The following SLC7A5 variants were observed in gnomAD, a reference collection of about 807,000 sequenced individuals.
The protein encoded by SLC7A5 is large neutral amino acids transporter small subunit 1.
In SLC7A5, 23 loss-of-function variants were observed where a neutral mutation model predicts 50.2. The observed-to-expected ratio is 0.46, with a 90% CI of 0.33 to 0.65. SLC7A5 has a LOEUF of 0.65. Ranked by LOEUF, SLC7A5 falls within the 30% of genes least tolerant of loss-of-function variation. SLC7A5 has a pLI of 0.02. For synonymous variants in SLC7A5, 393 were observed against 330.6 expected, an observed-to-expected ratio of 1.19 and a Z score of -2.05; for missense variants, 578 against 684.4, an observed-to-expected ratio of 0.84 and a Z score of 1.73.
rs1322086698 is a variant in SLC7A5, at chr16:87,841,190, G to A, written c.665-35C>T. The A allele has an allele frequency of 2.1e-6, 3 of 1,405,030 alleles. No homozygotes were observed. The highest frequency in any genetic ancestry group is 1.2e-5 in the South Asian group (1 of 86,850). The allele number at this position is 1,405,030 out of a possible 1,614,324, so 87.0% of individuals were successfully genotyped here. On this transcript the variant is annotated intron_variant, in intron 2 of 9. Transcript: ENST00000261622. The surrounding 1 kb of genome is among the most constrained non-coding windows in gnomAD (Gnocchi z 4.8). ...CCAAAGAAAGGAATGCTGGGTTAGA[G>A]AGCGCTGAACAGAGGTCATGCTACC...
At position 87,853,284 on chromosome 16, in the gene SLC7A5, G is replaced by A. The variant is rs570860809; in HGVS notation, c.539-1435C>T. On this transcript the variant is annotated intron_variant, in intron 1 of 9. Coordinates refer to ENST00000261622, the MANE Select transcript of SLC7A5 (RefSeq NM_003486.7). This position sits in a 1 kb window ranked among gnomAD's most constrained non-coding sequence, Gnocchi z 4.4. ...TGACACCGGAAACGTCCTGAGGTGCGGGACGGGCTGCCGCCTGCCTATCTC... is the reference window on the plus strand; with the variant it reads ...TGACACCGGAAACGTCCTGAGGTGCAGGACGGGCTGCCGCCTGCCTATCTC... 2.0e-5 allele frequency among the ~76,000 whole-genome samples: 3 copies of A among 152,336 alleles called. No homozygotes were observed. Among genetic ancestry groups the A allele is most frequent in the Non-Finnish European group, 2.9e-5 (2 of 68,020 alleles).
chr16:87,835,324 GC>G (rs1415385205), intron 8 of SLC7A5, among the ~76,000 whole-genome samples: 1 of 152,230 alleles, frequency 6.6e-6, no homozygotes, highest in Non-Finnish European at 1.5e-5. Flanking sequence ...CCCCATGGGG[GC>G]TGAGCCCCCG....
chr16:87,868,986 T>C lies in SLC7A5; in HGVS notation c.437A>G (p.Tyr146Cys). The C allele has an allele frequency of 6.2e-7, 1 of 1,611,456 alleles. No individual in the cohort carries two copies. The highest frequency in any genetic ancestry group is 8.5e-7 in the Non-Finnish European group (1 of 1,179,698). ...GGTGGCGAAGACCAGGGCCACGATG[T>C]ACTGCGATGAAGGCCGGATGATGAG... is the stretch of plus-strand genomic sequence containing the variant. The part of the protein sequence containing the change: ...ELLIIRPSSQ[Y>C]IVALVFATYL... The change falls in exon 1 of 10, where the codon TAC (tyrosine) becomes TGC (cysteine). Residue 146 changes from tyrosine (Y) to cysteine (C), a missense_variant. Coordinates refer to ENST00000261622, the MANE Select transcript of SLC7A5 (RefSeq NM_003486.7).
rs1158573379 is a variant in SLC7A5 at position 87,832,374 on chromosome 16, C to T, written c.*596G>A. On this transcript the variant is annotated 3_prime_UTR_variant, in exon 10 of 10. Coordinates refer to ENST00000261622, the MANE Select transcript of SLC7A5 (RefSeq NM_003486.7). This position sits in a 1 kb window ranked among gnomAD's most constrained non-coding sequence, Gnocchi z 4.6. ...CAAGCACCTCCTGGGAGGAATCACC[C>T]ACCTTGCCCAGATCCCCCACCCCCT... 1 of 152,352 alleles carries T rather than the reference C, an allele frequency of 6.6e-6. No individual in the cohort carries two copies. Among genetic ancestry groups the T allele is most frequent in the Non-Finnish European group, 1.5e-5 (1 of 68,160 alleles). The allele number at this position is 152,352 out of a possible 1,614,324, so 9.4% of individuals were successfully genotyped here. A position where few individuals can be genotyped will look rare whatever the true frequency, so the allele number is the denominator to read the frequency against.
At chr16:87,854,954 G>C (rs557398902) in intron 1 of SLC7A5, among the ~76,000 whole-genome samples, 1 of 152,344 alleles carries the variant, frequency 6.6e-6, no homozygotes, top group South Asian at 2.1e-4. Flanking sequence ...CCTCATCTTC[G>C]GGTGGGCATT....
chr16:87,860,335 A>AT lies in SLC7A5; in HGVS notation c.539-8487_539-8486insA, dbSNP rs1278149952. Among the ~76,000 whole-genome samples, 6 of 103,066 alleles carry AT rather than the reference A, an allele frequency of 5.8e-5. No individual in the cohort carries two copies. The highest frequency in any genetic ancestry group is 2.3e-4 in the African/African-American group (5 of 21,808). The allele number at this position is 103,066 out of a possible 152,430, so 67.6% of individuals were successfully genotyped here. On this transcript the variant is annotated intron_variant, in intron 1 of 9. Transcript: ENST00000261622. This position sits in a 1 kb window ranked among gnomAD's most constrained non-coding sequence, Gnocchi z 4.8. Reference sequence around the variant, plus strand: ...GTAACAAAAGCATCTCAAAAAAAAAAAAAAATACACACACACACACACACA... The same window carrying AT: ...GTAACAAAAGCATCTCAAAAAAAAAATAAAAATACACACACACACACACACA...
chr16:87,833,452 G>A lies in SLC7A5; in HGVS notation c.1469-427C>T, dbSNP rs948929076. ...GGGGCCAATCTGCTAACGGGTCCTC[G>A]GAAGACCTGTCGCGCCTGGGACTGT... On this transcript the variant is annotated intron_variant, in intron 9 of 9. Transcript: ENST00000261622. This position sits in a 1 kb window ranked among gnomAD's most constrained non-coding sequence, Gnocchi z 6.0. Among the ~76,000 whole-genome samples, 4 of 152,086 alleles carry A rather than the reference G, an allele frequency of 2.6e-5. No homozygotes were observed. The highest frequency in any genetic ancestry group is 9.7e-5 in the African/African-American group (4 of 41,422).
chr16:87,839,567 A>AG, intron 5 of SLC7A5, 135 bp downstream of exon 5: 1 of 1,198,450 alleles, frequency 8.3e-7, no homozygotes, highest in African/African-American at 1.5e-5. Context: ...CCCTCCGGGT[A>AG]GGGGAGGCTT....
At chr16:87,846,668 C>G (rs1195411080) in intron 2 of SLC7A5, among the ~76,000 whole-genome samples, 1 of 152,214 alleles carries the variant, frequency 6.6e-6, no homozygotes, top group Non-Finnish European at 1.5e-5. Flanking sequence ...CCCAGGGCAT[C>G]AGGGTCCCTG....
intron 1 of SLC7A5, among the ~76,000 whole-genome samples, chr16:87,858,110 G>T (rs1342892497): frequency 1.3e-5 from 2 of 152,164 alleles, no homozygotes; most frequent in African/African-American, 4.8e-5. Context: ...CTGACAGGAA[G>T]GGCCACCGCT....
At chr16:87,847,890 G>A (rs1306248331) in intron 2 of SLC7A5, among the ~76,000 whole-genome samples, 2 of 152,162 alleles carry the variant, frequency 1.3e-5, no homozygotes, top group African/African-American at 4.8e-5. Flanking sequence ...ACAGCCCAGT[G>A]GCACACACGT....
chr16:87,832,848 C>A lies in SLC7A5; in HGVS notation c.*122G>T. The A allele has an allele frequency of 1.2e-6, 1 of 810,226 alleles. No individual in the cohort carries two copies. Among genetic ancestry groups the A allele is most frequent in the Non-Finnish European group, 2.2e-6 (1 of 460,574 alleles). 50.2% of individuals were successfully genotyped at this position (810,226 alleles called of 1,614,324 possible). ...CCTCCACTGCCCGACCTGGGAGGGA[C>A]GGCGAGGGACTGGGATGGGCAGCTG... is the stretch of plus-strand genomic sequence containing the variant. On this transcript the variant is annotated 3_prime_UTR_variant, in exon 10 of 10. Coordinates refer to ENST00000261622, the MANE Select transcript of SLC7A5 (RefSeq NM_003486.7). This position sits in a 1 kb window ranked among gnomAD's most constrained non-coding sequence, Gnocchi z 4.6.
intron 2 of SLC7A5, among the ~76,000 whole-genome samples, chr16:87,844,470 G>A (rs4843715): frequency 0.36 from 54,898 of 151,962 alleles, 11,581 homozygotes; most frequent in African/African-American, 0.58. Context: ...AGACTCCGCC[G>A]GTGGCTAAAG....
intron 1 of SLC7A5, among the ~76,000 whole-genome samples, chr16:87,868,130 A>AG (rs1347195826): frequency 5.6e-4 from 83 of 149,090 alleles, no homozygotes; most frequent in African/African-American, 1.4e-3. Flanking sequence ...AAAAAAAAAA[A>AG]AAAGAAAGAA....
chr16:87,849,614 A>C (rs1251399101), intron 2 of SLC7A5, among the ~76,000 whole-genome samples: 1 of 152,218 alleles, frequency 6.6e-6, no homozygotes, highest in Non-Finnish European at 1.5e-5. Flanking sequence ...TGGGAGGCAC[A>C]GGATGGATTT....
At chr16:87,846,984 G>A (rs2055162313) in intron 2 of SLC7A5, among the ~76,000 whole-genome samples, 1 of 152,158 alleles carries the variant, frequency 6.6e-6, no homozygotes, top group Admixed American at 6.5e-5. Context: ...AGAATCCCAA[G>A]GCAGCTGCAC....
chr16:87,847,076 G>A (rs1279211040), intron 2 of SLC7A5, among the ~76,000 whole-genome samples: 1 of 152,208 alleles, frequency 6.6e-6, no homozygotes, highest in Non-Finnish European at 1.5e-5. Context: ...AGAGCAGGCT[G>A]GGCTGAGCTC....
rs903069282 is a variant in SLC7A5 at position 87,840,787 on chromosome 16, G to A, written c.770+263C>T. On this transcript the variant is annotated intron_variant, in intron 3 of 9. Transcript: ENST00000261622. ...AGGAAAGGGGCCGCAGGGCTCAGCCGCCTCCACCTGCCACCTTCGCCAAGA... is the reference window on the plus strand; with the variant it reads ...AGGAAAGGGGCCGCAGGGCTCAGCCACCTCCACCTGCCACCTTCGCCAAGA... Among the ~76,000 whole-genome samples the A allele has an allele frequency of 1.4e-4, 21 of 152,322 alleles. No individual in the cohort carries two copies. The East Asian group carries it at 2.5e-3, about 18-fold the overall frequency.
chr16:87,862,220 TG>T lies in SLC7A5; in HGVS notation c.538+6664del, dbSNP rs953923423. Among the ~76,000 whole-genome samples, 1 of 151,706 alleles carries T rather than the reference TG, an allele frequency of 6.6e-6. No homozygotes were observed. Among genetic ancestry groups the T allele is most frequent in the Non-Finnish European group, 1.5e-5 (1 of 67,940 alleles). On this transcript the variant is annotated intron_variant, in intron 1 of 9. Coordinates refer to ENST00000261622, the MANE Select transcript of SLC7A5 (RefSeq NM_003486.7). This position sits in a 1 kb window ranked among gnomAD's most constrained non-coding sequence, Gnocchi z 5.3. ...TACAGGTGCTGGATACCCCAGCGGTTGGGGGGGTGGTGCTGGACACCCAGGG... is the reference window on the plus strand; with the variant it reads ...TACAGGTGCTGGATACCCCAGCGGTTGGGGGGTGGTGCTGGACACCCAGGG...
Sources: allele counts gnomAD v4.1 joint callset (sites outside exome capture counted in the v4.1 genomes callset), GRCh38; gene constraint gnomAD v4.1.1; non-coding constraint Gnocchi (gnomAD v3.1); transcripts MANE v1.5; gene names NCBI Gene and HGNC (gene_info 2026-07-23, HGNC 2026-07-21).